RBFOX3: variants seen among roughly 807,000 people sequenced by gnomAD.
The protein encoded by RBFOX3 is RNA binding fox-1 homolog 3, also known as RNA binding protein fox-1 homolog 3.
In RBFOX3, 17 loss-of-function variants were observed where a neutral mutation model predicts 48.7. The observed-to-expected ratio is 0.35, with a 90% CI of 0.24 to 0.52. The LOEUF is 0.52. Ranked by LOEUF, RBFOX3 falls within the 20% of genes least tolerant of loss-of-function variation. The pLI is 0.94. For synonymous variants in RBFOX3, 212 were observed against 209.5 expected, an observed-to-expected ratio of 1.01 and a Z score of -0.10; for missense variants, 382 against 497.5, an observed-to-expected ratio of 0.77 and a Z score of 2.21.
intron 1 of RBFOX3, among the ~76,000 whole-genome samples, chr17:79,515,226 G>A (rs1477518688): frequency 1.3e-5 from 2 of 152,192 alleles, no homozygotes; most frequent in Non-Finnish European, 2.9e-5. Context: ...GCCCTGCTCT[G>A]GTGAAGCCCT....
intron 3 of RBFOX3, among the ~76,000 whole-genome samples, chr17:79,286,106 G>A (rs1241103409): frequency 6.6e-6 from 1 of 152,198 alleles, no homozygotes; most frequent in Non-Finnish European, 1.5e-5. Flanking sequence ...TAGAAGCTGA[G>A]TACTGGTGCA....
chr17:79,531,088 G>A (rs944285562), intron 1 of RBFOX3, among the ~76,000 whole-genome samples: 8 of 152,344 alleles, frequency 5.3e-5, no homozygotes, highest in South Asian at 2.1e-4. Context: ...CTTAGCAATC[G>A]TTTGCGCAGA....
chr17:79,241,978 T>A (rs1480068806), intron 3 of RBFOX3, among the ~76,000 whole-genome samples: 1 of 152,188 alleles, frequency 6.6e-6, no homozygotes, highest in Non-Finnish European at 1.5e-5. Context: ...ATATAGGAAT[T>A]TTGGGGAGTG....
chr17:79,603,335 G>A (rs1468297277), intron 1 of RBFOX3, among the ~76,000 whole-genome samples: 1 of 152,182 alleles, frequency 6.6e-6, no homozygotes, highest in Non-Finnish European at 1.5e-5. Flanking sequence ...GGAGGCATGG[G>A]GAGAGCACAC....
chr17:79,137,710 T>A (rs138021095), intron 4 of RBFOX3, among the ~76,000 whole-genome samples: 23 of 152,334 alleles, frequency 1.5e-4, no homozygotes, highest in African/African-American at 5.3e-4. Flanking sequence ...GGCGCCTGGC[T>A]CATGGAAGAG....
the RBFOX3 span, among the ~76,000 whole-genome samples, chr17:79,660,827 C>T: frequency 5.9e-5 from 9 of 152,280 alleles, no homozygotes; most frequent in East Asian, 1.5e-3. Context: ...GATACATGCA[C>T]GTGTATGCCC....
intron 2 of RBFOX3, among the ~76,000 whole-genome samples, chr17:79,403,630 G>T (rs1222601428): frequency 6.6e-6 from 1 of 152,192 alleles, no homozygotes; most frequent in African/African-American, 2.4e-5. Flanking sequence ...AAAGTCCCTG[G>T]TGGCTTTCCT....
chr17:79,177,292 A>G (rs1458976424), intron 4 of RBFOX3, among the ~76,000 whole-genome samples: 2 of 152,150 alleles, frequency 1.3e-5, no homozygotes, highest in African/African-American at 4.8e-5. Flanking sequence ...ACCAGAGGAC[A>G]GGAGACAGAA....
chr17:79,647,854 C>T, the RBFOX3 span, among the ~76,000 whole-genome samples: 47 of 152,294 alleles, frequency 3.1e-4, no homozygotes, highest in African/African-American at 1.0e-3. Flanking sequence ...AGGGCCAGTG[C>T]TGTGGTGGAC....
chr17:79,633,782 C>G, the RBFOX3 span, among the ~76,000 whole-genome samples: 2 of 152,188 alleles, frequency 1.3e-5, no homozygotes, highest in African/African-American at 4.8e-5. Flanking sequence ...TCTCATCCTT[C>G]CAACCCTTCA....
At chr17:79,337,215 C>T (rs1266845689) in intron 2 of RBFOX3, among the ~76,000 whole-genome samples, 1 of 152,122 alleles carries the variant, frequency 6.6e-6, no homozygotes, top group Admixed American at 6.5e-5. Flanking sequence ...GATCAGACTC[C>T]AGGCTAGGAC....
intron 2 of RBFOX3, among the ~76,000 whole-genome samples, chr17:79,397,843 A>G (rs572535713): frequency 6.6e-6 from 1 of 152,274 alleles, no homozygotes; most frequent in Non-Finnish European, 1.5e-5. Flanking sequence ...CAGCCTTGAC[A>G]GTTCGATGCC....
chr17:79,492,816 CA>C (rs1180066783), intron 1 of RBFOX3, among the ~76,000 whole-genome samples: 2 of 152,120 alleles, frequency 1.3e-5, no homozygotes, highest in African/African-American at 4.8e-5. Context: ...AGGATGAGAG[CA>C]GATTACAGAG....
At chr17:79,258,333 G>A (rs1010222372) in intron 3 of RBFOX3, among the ~76,000 whole-genome samples, 2 of 152,114 alleles carry the variant, frequency 1.3e-5, no homozygotes, top group East Asian at 3.9e-4. Context: ...ACGGATTCCC[G>A]CTTAAATCTC....
intron 4 of RBFOX3, among the ~76,000 whole-genome samples, chr17:79,208,232 G>C (rs2057796673): frequency 6.6e-6 from 1 of 152,238 alleles, no homozygotes; most frequent in Admixed American, 6.5e-5. Flanking sequence ...CTCAAGACAG[G>C]ATTCAGGCAC....
At chr17:79,318,999 T>C (rs2077993568) in intron 2 of RBFOX3, among the ~76,000 whole-genome samples, 1 of 151,580 alleles carries the variant, frequency 6.6e-6, no homozygotes, top group Non-Finnish European at 1.5e-5. Flanking sequence ...GTTGTGCATA[T>C]GTACCCAAAA....
chr17:79,304,355 C>G (rs528239551), intron 3 of RBFOX3, among the ~76,000 whole-genome samples: 2 of 150,592 alleles, frequency 1.3e-5, no homozygotes, highest in Non-Finnish European at 2.9e-5. Context: ...TATACACACA[C>G]GTAAATATAT....
intron 2 of RBFOX3, among the ~76,000 whole-genome samples, chr17:79,402,052 A>C (rs1428737636): frequency 2.0e-5 from 3 of 152,216 alleles, no homozygotes; most frequent in Non-Finnish European, 2.9e-5. Flanking sequence ...GCAGGGGACA[A>C]TCTGTGGCCC....
chr17:79,123,673 C>T (rs908679716), intron 4 of RBFOX3, among the ~76,000 whole-genome samples: 9 of 152,156 alleles, frequency 5.9e-5, no homozygotes, highest in East Asian at 1.9e-4. Flanking sequence ...GCCATCTCAT[C>T]GAATCCCCAC....
Sources: allele counts gnomAD v4.1 joint callset (sites outside exome capture counted in the v4.1 genomes callset), GRCh38; gene constraint gnomAD v4.1.1; transcripts MANE v1.5; gene names NCBI Gene and HGNC (gene_info 2026-07-23, HGNC 2026-07-21).